ADGRL3: variants seen among roughly 807,000 people sequenced by gnomAD.
ADGRL3 encodes adhesion G protein-coupled receptor L3, also known as calcium-independent alpha-latrotoxin receptor 3.
Under a neutral mutation model 153.5 loss-of-function variants are expected in ADGRL3, and 62 were observed. The observed-to-expected ratio is 0.40, with a 90% CI of 0.33 to 0.50. The LOEUF (loss-of-function observed/expected upper bound fraction) is 0.50, where lower values mean the gene tolerates loss of function less well. Ranked by LOEUF, ADGRL3 falls within the 20% of genes least tolerant of loss-of-function variation. The pLI is 0.47. For synonymous variants in ADGRL3, 710 were observed against 672.5 expected, an observed-to-expected ratio of 1.06 and a Z score of -0.86; for missense variants, 1,641 against 1,859.4, an observed-to-expected ratio of 0.88 and a Z score of 2.16.
intron 8 of ADGRL3, among the ~76,000 whole-genome samples, chr4:61,796,775 T>C (rs763013150): frequency 1.3e-4 from 20 of 152,228 alleles, no homozygotes; most frequent in Non-Finnish European, 2.2e-4. Context: ...CTTGAATTTT[T>C]CTTTAGAATT....
At chr4:61,722,733 T>C (rs1365390410) in intron 6 of ADGRL3, among the ~76,000 whole-genome samples, 1 of 150,582 alleles carries the variant, frequency 6.6e-6, no homozygotes, top group Non-Finnish European at 1.5e-5. Context: ...TACTCATCAG[T>C]TTTTTTGGTG....
rs140950688 is a variant in ADGRL3 at position 61,830,497 on chromosome 4, A to T, written c.1480+16608A>T. Among the ~76,000 whole-genome samples, 913 of 152,284 alleles carry T rather than the reference A, an allele frequency of 6.0e-3. 9 individuals carry two copies. The highest frequency in any genetic ancestry group is 0.021 in the African/African-American group (857 of 41,554). On this transcript the variant is annotated intron_variant, in intron 9 of 26. Transcript: ENST00000683033. ...GAACTCCACCATGTCTATATTCAAG[A>T]TCATTATTAGAGAAATCCTTAGACT...
chr4:61,611,503 A>C (rs2091345643), intron 5 of ADGRL3, among the ~76,000 whole-genome samples: 1 of 152,326 alleles, frequency 6.6e-6, no homozygotes, highest in East Asian at 1.9e-4. Context: ...AGTATTAGCA[A>C]GCTGTCAGAG....
At chr4:61,562,105 C>G (rs1161819860) in intron 4 of ADGRL3, among the ~76,000 whole-genome samples, 1 of 152,130 alleles carries the variant, frequency 6.6e-6, no homozygotes, top group Non-Finnish European at 1.5e-5. Flanking sequence ...TTTGACTTCT[C>G]AATGCATATA....
chr4:61,847,438 A>C (rs1290073291), intron 9 of ADGRL3, among the ~76,000 whole-genome samples: 2 of 149,492 alleles, frequency 1.3e-5, no homozygotes, highest in Non-Finnish European at 3.0e-5. Flanking sequence ...CATTTTAAAA[A>C]ATGTCTGCAA....
chr4:61,665,108 T>C (rs1308627650), intron 5 of ADGRL3, among the ~76,000 whole-genome samples: 2 of 152,198 alleles, frequency 1.3e-5, no homozygotes, highest in African/African-American at 4.8e-5. Flanking sequence ...TAGAATATTC[T>C]TACTCTTTAA....
chr4:61,925,098 G>A (rs1485209937), intron 13 of ADGRL3, among the ~76,000 whole-genome samples: 2 of 152,266 alleles, frequency 1.3e-5, no homozygotes, highest in African/African-American at 2.4e-5. Context: ...CTCAAAAGCA[G>A]TATCTCTGTG....
intron 9 of ADGRL3, among the ~76,000 whole-genome samples, chr4:61,827,402 G>C (rs933754537): frequency 6.6e-6 from 1 of 152,108 alleles, no homozygotes; most frequent in Non-Finnish European, 1.5e-5. Context: ...GAAGTGGGAA[G>C]AAAGACACTG....
intron 3 of ADGRL3, among the ~76,000 whole-genome samples, chr4:61,514,545 T>A (rs765153738): frequency 2.6e-5 from 4 of 152,236 alleles, no homozygotes; most frequent in Non-Finnish European, 4.4e-5. Context: ...ATTTTGGCTC[T>A]GTTCTAATAA....
chr4:61,233,727 T>C (rs1337006267), intron 1 of ADGRL3, among the ~76,000 whole-genome samples: 3 of 151,976 alleles, frequency 2.0e-5, no homozygotes, highest in Non-Finnish European at 2.9e-5. Flanking sequence ...TCTACAAGTT[T>C]TTAGGAAGAC....
At chr4:61,257,330 C>A (rs2092064810) in intron 1 of ADGRL3, among the ~76,000 whole-genome samples, 1 of 152,088 alleles carries the variant, frequency 6.6e-6, no homozygotes, top group Non-Finnish European at 1.5e-5. Context: ...TAAAAAATTC[C>A]ATTTGCTTCC....
chr4:61,773,831 G>T (rs939151066), intron 8 of ADGRL3, among the ~76,000 whole-genome samples: 2 of 152,068 alleles, frequency 1.3e-5, no homozygotes, highest in South Asian at 2.1e-4. Context: ...GGGCTATATA[G>T]CATCTAAACA....
At chr4:61,972,475 C>T (rs1359804323) in intron 17 of ADGRL3, among the ~76,000 whole-genome samples, 5 of 151,944 alleles carry the variant, frequency 3.3e-5, no homozygotes, top group African/African-American at 4.8e-5. Flanking sequence ...TGTAGATATG[C>T]GGTGTTATTT....
chr4:61,690,699 CTT>C (rs559817133), intron 6 of ADGRL3, among the ~76,000 whole-genome samples: 2 of 148,802 alleles, frequency 1.3e-5, no homozygotes, highest in Non-Finnish European at 3.0e-5. Context: ...ACAAGGCTTC[CTT>C]TTTTTTTTCC....
At chr4:61,628,328 C>T (rs1251924269) in intron 5 of ADGRL3, among the ~76,000 whole-genome samples, 2 of 152,164 alleles carry the variant, frequency 1.3e-5, no homozygotes, top group East Asian at 1.9e-4. Context: ...CCTGCACTGC[C>T]AATCTGATCA....
chr4:61,294,561 G>T (rs1182659592), intron 1 of ADGRL3, among the ~76,000 whole-genome samples: 1 of 152,092 alleles, frequency 6.6e-6, no homozygotes, highest in Non-Finnish European at 1.5e-5. Context: ...GAAATTGGAT[G>T]CATCGTGGTA....
intron 1 of ADGRL3, among the ~76,000 whole-genome samples, chr4:61,215,804 G>A (rs563684247): frequency 4.6e-5 from 7 of 151,870 alleles, no homozygotes; most frequent in East Asian, 2.0e-4. Context: ...CATCCGCCTC[G>A]GCCTCCCAAA....
At chr4:61,219,432 A>T (rs192893742) in intron 1 of ADGRL3, among the ~76,000 whole-genome samples, 1 of 152,332 alleles carries the variant, frequency 6.6e-6, no homozygotes, top group East Asian at 1.9e-4. Flanking sequence ...ATAAAGCCAG[A>T]TGTTGAAACT....
chr4:62,038,002 A>C (rs1726040476), intron 24 of ADGRL3, 146 bp downstream of exon 24: 1 of 836,628 alleles, frequency 1.2e-6, no homozygotes, highest in Non-Finnish European at 1.8e-6. Flanking sequence ...TGATTCTGAC[A>C]GAAATGGAAG....
Sources: gnomAD v4.1 joint callset for allele counts (sites outside exome capture counted in the v4.1 genomes callset) on GRCh38, gnomAD v4.1.1 for gene constraint, MANE v1.5 for transcripts, NCBI Gene and HGNC (gene_info 2026-07-23, HGNC 2026-07-21) for gene names.